Variants in ZNF529 observed in about 807,000 individuals in gnomAD.
The protein encoded by ZNF529 is zinc finger protein 529.
Under a neutral mutation model 10.1 loss-of-function variants are expected in ZNF529, and 11 were observed. The observed-to-expected ratio is 1.09, with a 90% CI of 0.69 to 1.81. The LOEUF (loss-of-function observed/expected upper bound fraction) is 1.81, where lower values mean the gene tolerates loss of function less well. Ranked by LOEUF, ZNF529 falls within the 40% of genes most tolerant of loss-of-function variation. The pLI is 0.00. For missense variants in ZNF529, 624 were observed against 666.8 expected (o/e 0.94, Z 0.71); for synonymous variants, 204 against 215.7 (o/e 0.95, Z 0.47).
At chr19:36,581,724 A>T (rs2036467703) in intron 2 of ZNF529, 1 of 159,244 alleles carries the variant, frequency 6.3e-6, no homozygotes, top group Admixed American at 6.5e-5. Flanking sequence ...GCCATGTGAT[A>T]TGCTAGCTCT....
chr19:36,596,591 C>T (rs2036846152), intron 1 of ZNF529, among the ~76,000 whole-genome samples: 1 of 151,974 alleles, frequency 6.6e-6, no homozygotes, highest in African/African-American at 2.4e-5. Context: ...GGTCTCAGCT[C>T]ACCGCAGCCT....
intron 2 of ZNF529, among the ~76,000 whole-genome samples, 171 bp downstream of exon 2, chr19:36,572,162 G>C (rs2036141223): frequency 6.6e-6 from 1 of 150,882 alleles, no homozygotes; most frequent in African/African-American, 2.4e-5. Context: ...AAAAAAAGAA[G>C]CACATGGGAG....
intron 2 of ZNF529, among the ~76,000 whole-genome samples, chr19:36,562,221 A>C (rs1183983482): frequency 2.0e-5 from 3 of 151,916 alleles, no homozygotes; most frequent in Non-Finnish European, 4.4e-5. Flanking sequence ...CCAGGGGAAA[A>C]AAAAAAAGAA....
At chr19:36,562,071 A>C (rs2035719524) in intron 2 of ZNF529, among the ~76,000 whole-genome samples, 1 of 152,148 alleles carries the variant, frequency 6.6e-6, no homozygotes, top group South Asian at 2.1e-4. Flanking sequence ...CCCCATCTCT[A>C]CTAAAAATAC....
chr19:36,546,081 A>ATATATAGT lies in ZNF529; in HGVS notation c.*784_*785insACTATATA, dbSNP rs2035005521. 7.0e-6 allele frequency: 1 copy of ATATATAGT among 142,948 alleles called. No homozygotes were observed. Among genetic ancestry groups the ATATATAGT allele is most frequent in the African/African-American group, 2.6e-5 (1 of 38,880 alleles). 8.9% of individuals were successfully genotyped at this position (142,948 alleles called of 1,614,324 possible). ...TGTGTGTATATATATATATATATAT[A>ATATATAGT]GTGTGTTATGTAGTGCATGTGTGGG... On this transcript the variant is annotated 3_prime_UTR_variant, in exon 5 of 5. Transcript: ENST00000591340.
chr19:36,547,644 G>A lies in ZNF529; in HGVS notation c.914C>T (p.Thr305Ile), dbSNP rs1267084118. The change falls in exon 5 of 5, where the codon ACT becomes ATT. Residue 305 changes from threonine to isoleucine, a missense_variant. Thr to Ile is a moderately conservative substitution (Grantham distance 89). Transcript: ENST00000591340. ...CATACATTTGTAAGTTTTCTCATCAGTATGGATTTTCTGATGTCGAGTAAG... is the reference window on the plus strand; with the variant it reads ...CATACATTTGTAAGTTTTCTCATCAATATGGATTTTCTGATGTCGAGTAAG... ...AQLTRHQKIH[T>I]DEKTYKCMEC... The A allele has an allele frequency of 6.8e-6, 11 of 1,613,678 alleles. No homozygotes were observed. The highest frequency in any genetic ancestry group is 1.3e-5 in the African/African-American group (1 of 74,920).
intron 1 of ZNF529, among the ~76,000 whole-genome samples, chr19:36,602,174 A>G (rs550037375): frequency 5.9e-5 from 9 of 151,966 alleles, no homozygotes; most frequent in African/African-American, 2.2e-4. Context: ...CAGGCTCCCG[A>G]GTAGCTGGGA....
chr19:36,568,672 A>C (rs997554944), intron 2 of ZNF529, among the ~76,000 whole-genome samples: 2 of 151,952 alleles, frequency 1.3e-5, no homozygotes, highest in Non-Finnish European at 2.9e-5. Flanking sequence ...GGGTTTCACT[A>C]TGTTGGCCAG....
intron 2 of ZNF529, chr19:36,581,461 C>T (rs545364790): frequency 5.3e-5 from 8 of 152,278 alleles, no homozygotes; most frequent in African/African-American, 9.6e-5. Flanking sequence ...CCAAGAAATA[C>T]GTACAACCCA....
chr19:36,575,743 A>G (rs1030917356), upstream of ZNF529, among the ~76,000 whole-genome samples: 2 of 152,158 alleles, frequency 1.3e-5, no homozygotes, highest in African/African-American at 2.4e-5. Flanking sequence ...ACTATCTCGC[A>G]TAATGATTAG....
rs2034949416 is a variant in ZNF529, at chr19:36,544,768, CAT to C, written c.*2096_*2097del. ...TTGAATAAGCAATACTTACATAAAA[CAT>C]AGCTCAATATATCAGATGAGAAAAT... On this transcript the variant is annotated 3_prime_UTR_variant, in exon 5 of 5. Coordinates refer to ENST00000591340, the MANE Select transcript of ZNF529 (RefSeq NM_020951.5). The C allele has an allele frequency of 6.6e-6, 1 of 152,122 alleles. No individual in the cohort carries two copies. Among genetic ancestry groups the C allele is most frequent in the Non-Finnish European group, 1.5e-5 (1 of 68,008 alleles). The allele number at this position is 152,122 out of a possible 1,614,324, so 9.4% of individuals were successfully genotyped here.
At chr19:36,554,422 C>CA (rs1482945687) in intron 4 of ZNF529, among the ~76,000 whole-genome samples, 3 of 152,154 alleles carry the variant, frequency 2.0e-5, no homozygotes, top group Non-Finnish European at 2.9e-5. Flanking sequence ...ACTAAAAATA[C>CA]AAAAAATTAG....
At chr19:36,596,001 A>G (rs940074170) in intron 1 of ZNF529, among the ~76,000 whole-genome samples, 1 of 149,694 alleles carries the variant, frequency 6.7e-6, no homozygotes, top group South Asian at 2.1e-4. Flanking sequence ...TCCAATGATG[A>G]CTGAATTTGT....
chr19:36,556,670 C>A (rs1338429784), intron 2 of ZNF529, among the ~76,000 whole-genome samples: 1 of 152,226 alleles, frequency 6.6e-6, no homozygotes. Context: ...ACAGGCAAGC[C>A]AGGCAGACCT....
At chr19:36,549,718 TTTAC>T (rs2035188873) in intron 4 of ZNF529, among the ~76,000 whole-genome samples, 1 of 152,218 alleles carries the variant, frequency 6.6e-6, no homozygotes, top group African/African-American at 2.4e-5. Flanking sequence ...GGATGTGTTA[TTTAC>T]TTCTCTTCAA....
At chr19:36,548,386 A>G (rs1206511892) in intron 4 of ZNF529, 64 bp from the exon 5 acceptor site, 1 of 1,412,820 alleles carries the variant, frequency 7.1e-7, no homozygotes, top group Non-Finnish European at 9.4e-7. Context: ...GAAAGAAGAG[A>G]CAATTTAAGA....
At chr19:36,576,218 G>A (rs886596097), upstream of ZNF529, among the ~76,000 whole-genome samples, 2 of 152,126 alleles carry the variant, frequency 1.3e-5, no homozygotes, top group African/African-American at 4.8e-5. Flanking sequence ...AAGAGCAAGG[G>A]TCCTTTCCTG....
chr19:36,591,545 C>A (rs1177124923), intron 1 of ZNF529, among the ~76,000 whole-genome samples: 1 of 151,122 alleles, frequency 6.6e-6, no homozygotes, highest in Non-Finnish European at 1.5e-5. Flanking sequence ...TGGTGAAACC[C>A]CGTCTCTACT....
At chr19:36,573,431 G>C (rs550487362), upstream of ZNF529, 3 of 470,766 alleles carry the variant, frequency 6.4e-6, no homozygotes, top group South Asian at 3.1e-5. Context: ...CCAGACCCTG[G>C]AGTTTCCGGG....
Sources: gnomAD v4.1 joint callset for allele counts (sites outside exome capture counted in the v4.1 genomes callset) on GRCh38, gnomAD v4.1.1 for gene constraint, MANE v1.5 for transcripts, NCBI Gene and HGNC (gene_info 2026-07-23, HGNC 2026-07-21) for gene names.